DCAF8L2: variants seen among roughly 807,000 people sequenced by gnomAD.
The protein encoded by DCAF8L2 is DDB1- and CUL4-associated factor 8-like protein 2.
For missense variants in DCAF8L2, 430 were observed against 490.7 expected, an observed-to-expected ratio of 0.88 and a Z score of 1.17; for synonymous variants, 200 against 190.9, an observed-to-expected ratio of 1.05 and a Z score of -0.39.
At chrX:27,617,554 A>G (rs1440373289) in intron 1 of DCAF8L2, among the ~76,000 whole-genome samples, 1 of 111,361 alleles carries the variant, frequency 9.0e-6, no homozygotes, top group African/African-American at 3.3e-5. Context: ...GGATCACAAC[A>G]TATTTAAGAA....
chrX:27,580,854 T>C, the DCAF8L2 span, among the ~76,000 whole-genome samples: 1 of 111,979 alleles, frequency 8.9e-6, no homozygotes, highest in Non-Finnish European at 1.9e-5. Context: ...ACCAGTGCTA[T>C]CCAATATAAA....
the DCAF8L2 span, among the ~76,000 whole-genome samples, chrX:27,547,891 T>TCTCTC: frequency 5.2e-5 from 3 of 57,188 alleles, no homozygotes; most frequent in East Asian, 6.3e-4. Flanking sequence ...CTCTCTCTCT[T>TCTCTC]TCTCTCTCTC....
chrX:27,586,504 T>C (rs1194452448), upstream of DCAF8L2, among the ~76,000 whole-genome samples: 4 of 111,425 alleles, frequency 3.6e-5, no homozygotes, highest in Non-Finnish European at 7.5e-5. Context: ...ACTCCTCTAT[T>C]ATCCACTGGA....
intron 2 of DCAF8L2, among the ~76,000 whole-genome samples, chrX:27,674,656 A>G (rs1774856115): frequency 9.0e-6 from 1 of 111,608 alleles, no homozygotes; most frequent in African/African-American, 3.3e-5. Context: ...ATGCTTTGAC[A>G]TTGGCAGGGG....
chrX:27,695,392 A>G (rs924008796), intron 3 of DCAF8L2, among the ~76,000 whole-genome samples: 3 of 112,226 alleles, frequency 2.7e-5, no homozygotes, highest in East Asian at 5.6e-4. Flanking sequence ...CAGGAACAAA[A>G]TAAGTTCTTA....
chrX:27,732,068 T>G (rs969270134), intron 4 of DCAF8L2, among the ~76,000 whole-genome samples: 5 of 111,442 alleles, frequency 4.5e-5, no homozygotes, highest in Non-Finnish European at 9.4e-5. Flanking sequence ...TACATACACA[T>G]AGTGAAATTG....
chrX:27,524,925 T>C, the DCAF8L2 span, among the ~76,000 whole-genome samples: 3 of 112,262 alleles, frequency 2.7e-5, no homozygotes, highest in Non-Finnish European at 5.6e-5. Flanking sequence ...TCTTTTACAT[T>C]TGCTAAAGAG....
chrX:27,674,419 A>G (rs188797781), intron 2 of DCAF8L2, among the ~76,000 whole-genome samples: 57 of 111,514 alleles, frequency 5.1e-4, no homozygotes, highest in Middle Eastern at 9.2e-3. Flanking sequence ...AAAAAGCAAA[A>G]TACTAGAAAA....
chrX:27,486,040 C>T, the DCAF8L2 span, among the ~76,000 whole-genome samples: 1 of 99,748 alleles, frequency 1.0e-5, no homozygotes, highest in African/African-American at 3.7e-5. Flanking sequence ...GAGTCTCACT[C>T]TGTCGCCCAG....
the DCAF8L2 span, among the ~76,000 whole-genome samples, chrX:27,551,632 A>C: frequency 3.6e-5 from 4 of 111,490 alleles, no homozygotes; most frequent in African/African-American, 9.8e-5. Flanking sequence ...TGTTCTCTAA[A>C]GTCATCCATG....
At chrX:27,488,228 A>G in the DCAF8L2 span, among the ~76,000 whole-genome samples, 3 of 110,590 alleles carry the variant, frequency 2.7e-5, no homozygotes, top group East Asian at 8.5e-4. Flanking sequence ...TTTACCTTGC[A>G]TTTCCCCTCC....
rs1569201006 is a variant in DCAF8L2, at chrX:27,747,278, AGG to A, written c.384_385del (p.Glu129ArgfsTer32). The A allele has an allele frequency of 5.1e-6, 5 of 984,737 alleles. No individual in the cohort carries two copies. The highest frequency in any genetic ancestry group is 5.4e-5 in the African/African-American group (2 of 36,881). 81.2% of individuals were successfully genotyped at this position (984,737 alleles called of 1,213,427 possible). ...ATACAAGAGGAGGGAGGGGAGGAGG[AGG>A]AAGAGGAGGAGGAGGAGGAGGAGGA... On this transcript the variant is annotated frameshift_variant, in exon 5 of 5. Transcript: ENST00000451261. LOFTEE classifies it low-confidence loss of function (END_TRUNC).
the DCAF8L2 span, among the ~76,000 whole-genome samples, chrX:27,498,379 G>A: frequency 2.7e-5 from 3 of 112,341 alleles, no homozygotes; most frequent in Admixed American, 9.4e-5. Context: ...GCTATGCTAG[G>A]AGGTATGAGG....
intron 3 of DCAF8L2, among the ~76,000 whole-genome samples, chrX:27,708,996 C>T (rs1261620770): frequency 2.1e-4 from 24 of 112,196 alleles, no homozygotes; most frequent in Admixed American, 2.0e-3. Flanking sequence ...CTCGGCTCAC[C>T]ACAACCTCGG....
chrX:27,712,062 T>C (rs1931551657), intron 3 of DCAF8L2, among the ~76,000 whole-genome samples: 1 of 111,447 alleles, frequency 9.0e-6, no homozygotes, highest in African/African-American at 3.3e-5. Context: ...TCCTTCAAGA[T>C]ATTGGGATTT....
chrX:27,473,393 T>C, the DCAF8L2 span, among the ~76,000 whole-genome samples: 7 of 111,717 alleles, frequency 6.3e-5, no homozygotes, highest in African/African-American at 1.9e-4. Flanking sequence ...TGGCATTTTC[T>C]AATATCCTTC....
upstream of DCAF8L2, among the ~76,000 whole-genome samples, chrX:27,587,811 G>A (rs1471703378): frequency 9.2e-6 from 1 of 109,015 alleles, no homozygotes; most frequent in African/African-American, 3.4e-5. Flanking sequence ...GTTACTAAGG[G>A]CAGTGGATAA....
chrX:27,514,763 G>A, the DCAF8L2 span, among the ~76,000 whole-genome samples: 1 of 105,607 alleles, frequency 9.5e-6, no homozygotes, highest in East Asian at 3.0e-4. Flanking sequence ...AGGACATTAC[G>A]TGAAGTGAAA....
the DCAF8L2 span, among the ~76,000 whole-genome samples, chrX:27,563,215 A>G: frequency 9.0e-6 from 1 of 111,292 alleles, no homozygotes; most frequent in Non-Finnish European, 1.9e-5. Flanking sequence ...TTGAATGAAA[A>G]AAATAGAAAA....
Sources: gnomAD v4.1 joint callset for allele counts (sites outside exome capture counted in the v4.1 genomes callset) on GRCh38, gnomAD v4.1.1 for gene constraint, MANE v1.5 for transcripts, NCBI Gene and HGNC (gene_info 2026-07-23, HGNC 2026-07-21) for gene names.